PRRC2B: variants seen among roughly 807,000 people sequenced by gnomAD.
The protein encoded by PRRC2B is proline rich coiled-coil 2B, also known as protein PRRC2B.
PRRC2B carries 68 observed loss-of-function variants against 242.3 expected under a neutral mutation model. The observed-to-expected ratio is 0.28, with a 90% CI of 0.23 to 0.34. The LOEUF is 0.34. Among genes scored for constraint, PRRC2B ranks in the 10% least tolerant of loss-of-function variants. The pLI, the probability that PRRC2B is intolerant of heterozygous loss-of-function variation, is 1.00. For missense variants in PRRC2B, 2,835 were observed against 2,954.8 expected, an observed-to-expected ratio of 0.96 and a Z score of 0.94; for synonymous variants, 1,228 against 1,173.6, an observed-to-expected ratio of 1.05 and a Z score of -0.95.
chr9:131,475,311 G>C lies in PRRC2B; in HGVS notation c.3182G>C (p.Arg1061Thr). 6.2e-7 allele frequency: 1 copy of C among 1,604,102 alleles called. No individual in the cohort carries two copies. Among genetic ancestry groups the C allele is most frequent in the Non-Finnish European group, 8.5e-7 (1 of 1,175,996 alleles). Reference sequence around the variant, plus strand: ...GATGAGGAGCAAGCCTTTGGGGTCAGAGGACAGGCCCGGGGCCGGGGCCGT... The same window carrying C: ...GATGAGGAGCAAGCCTTTGGGGTCACAGGACAGGCCCGGGGCCGGGGCCGT... ...FIDEEQAFGV[R>T]GQARGRGRGF... Residue 1061 changes from arginine to threonine, a missense_variant, in exon 16 of 32, where the codon AGA (arginine) becomes ACA (threonine). Coordinates refer to ENST00000683519, the MANE Select transcript of PRRC2B (RefSeq NM_013318.4).
intron 1 of PRRC2B, among the ~76,000 whole-genome samples, chr9:131,410,608 A>C (rs1564276181): frequency 6.6e-6 from 1 of 152,212 alleles, no homozygotes; most frequent in Non-Finnish European, 1.5e-5. Context: ...ACCTTGAACT[A>C]GTTATTTAAC....
chr9:131,490,737 A>G (rs1275572678), intron 28 of PRRC2B: 1 of 382,696 alleles, frequency 2.6e-6, no homozygotes, highest in African/African-American at 2.1e-5. Context: ...AATCCAGCCC[A>G]GTCTTGTTTT....
chr9:131,420,493 C>CTTTCTTTCTTTTT lies in PRRC2B; in HGVS notation c.-51-9598_-51-9597insCTTTCTTTTTTTT. Among the ~76,000 whole-genome samples, 17 of 30,178 alleles carry CTTTCTTTCTTTTT rather than the reference C, an allele frequency of 5.6e-4. 1 individual carries two copies. The highest frequency in any genetic ancestry group is 4.9e-3 in the East Asian group (3 of 610). The allele number at this position is 30,178 out of a possible 152,430, so 19.8% of individuals were successfully genotyped here. ...TCTTTCTTTCTTTCTTTCTTTCTTT[C>CTTTCTTTCTTTTT]TTTTTTTTTTTTTTTTTGAGATGGA... is the stretch of plus-strand genomic sequence containing the variant. On this transcript the variant is annotated intron_variant, in intron 1 of 31. Coordinates refer to ENST00000683519, the MANE Select transcript of PRRC2B (RefSeq NM_013318.4).
chr9:131,487,588 G>A lies in PRRC2B; in HGVS notation c.5985-268G>A, dbSNP rs1180025914. ...TGACTCCCTGTCTCCTCCCCACCGC[G>A]GGCTTCTCCGTCAGTGTGGCTGCCA... On this transcript the variant is annotated intron_variant, in intron 27 of 31. Transcript: ENST00000683519. The surrounding 1 kb of genome is among the most constrained non-coding windows in gnomAD (Gnocchi z 5.3). Among the ~76,000 whole-genome samples the A allele has an allele frequency of 6.6e-6, 1 of 152,104 alleles. No individual in the cohort carries two copies. Among genetic ancestry groups the A allele is most frequent in the African/African-American group, 2.4e-5 (1 of 41,404 alleles).
At chr9:131,409,858 C>T (rs891957935) in intron 1 of PRRC2B, among the ~76,000 whole-genome samples, 3 of 152,176 alleles carry the variant, frequency 2.0e-5, no homozygotes, top group Non-Finnish European at 4.4e-5. Flanking sequence ...ATGCTGTCTC[C>T]GATTTCTCTT....
chr9:131,393,449 T>A (rs1217339748), upstream of PRRC2B, among the ~76,000 whole-genome samples: 1 of 152,188 alleles, frequency 6.6e-6, no homozygotes, highest in Non-Finnish European at 1.5e-5. Flanking sequence ...TGTTTTGCAA[T>A]CACACAAACA....
intron 10 of PRRC2B, among the ~76,000 whole-genome samples, chr9:131,456,459 G>A (rs1418800584): frequency 1.1e-4 from 16 of 151,806 alleles, no homozygotes; most frequent in East Asian, 7.7e-4. Flanking sequence ...GTGAAACCCC[G>A]TCTCTACTAA....
intron 2 of PRRC2B, among the ~76,000 whole-genome samples, chr9:131,430,595 GTATATA>G (rs771525029): frequency 1.4e-5 from 2 of 138,500 alleles, no homozygotes; most frequent in African/African-American, 5.8e-5. Flanking sequence ...GTGTGTGTGT[GTATATA>G]TATGTTTTGG....
intron 1 of PRRC2B, among the ~76,000 whole-genome samples, chr9:131,429,267 G>A (rs573592914): frequency 6.6e-6 from 1 of 151,154 alleles, no homozygotes; most frequent in Admixed American, 6.6e-5. Flanking sequence ...TATTTTGAGT[G>A]AGTGAGTGAG....
chr9:131,477,746 C>A lies in PRRC2B; in HGVS notation c.4409C>A (p.Ser1470Tyr). Residue 1470 changes from serine (S) to tyrosine (Y), a missense_variant and splice_region_variant, in exon 17 of 32, where the codon TCC (serine) becomes TAC (tyrosine). By Grantham distance (144) the Ser-to-Tyr change is moderately radical. This residue lies in a region of PRRC2B where 1,536 missense variants were observed against 1,483.1 expected (regional missense o/e 1.04). Transcript: ENST00000683519. ...QNGTPLKVKR[S>Y]PDEALPGGLS... ...ACAAGATCCTCTTTCCCTTACAGAT[C>A]CCCAGACGAGGCCTTGCCTGGAGGT... 6.3e-7 allele frequency: 1 copy of A among 1,592,228 alleles called. No individual in the cohort carries two copies. The highest frequency in any genetic ancestry group is 1.3e-5 in the African/African-American group (1 of 74,706).
intron 18 of PRRC2B, among the ~76,000 whole-genome samples, 156 bp from the exon 19 acceptor site, chr9:131,479,096 C>T (rs148621167): frequency 0.01 from 1,564 of 152,170 alleles, 11 homozygotes; most frequent in Non-Finnish European, 0.016. Flanking sequence ...TGCTTGGCAT[C>T]GCAGTTCTGC....
Position 131,469,401 on chromosome 9 carries a change from C to G in PRRC2B, c.1912-1387C>G, listed in dbSNP as rs78436151. 9.5e-3 allele frequency among the ~76,000 whole-genome samples: 1,446 copies of G among 152,276 alleles called. 29 individuals are homozygous for G. Among genetic ancestry groups the G allele is most frequent in the African/African-American group, 0.033 (1,370 of 41,560 alleles). ...AAAGCACCAGGGCAGCCTGTCTGGT[C>G]ATATTCCCTGGAGACCTAGGGTGTA... is the stretch of plus-strand genomic sequence containing the variant. On this transcript the variant is annotated intron_variant, in intron 13 of 31. Coordinates refer to ENST00000683519, the MANE Select transcript of PRRC2B (RefSeq NM_013318.4).
At chr9:131,465,736 T>G (rs1210738691) in intron 12 of PRRC2B, among the ~76,000 whole-genome samples, 1 of 152,212 alleles carries the variant, frequency 6.6e-6, no homozygotes, top group Non-Finnish European at 1.5e-5. Flanking sequence ...CACATGGCCC[T>G]ATTTTTTTTT....
intron 1 of PRRC2B, among the ~76,000 whole-genome samples, chr9:131,374,301 ACT>A (rs1281962773): frequency 1.3e-5 from 2 of 151,984 alleles, no homozygotes; most frequent in Non-Finnish European, 2.9e-5. Flanking sequence ...CCCAGCGGAG[ACT>A]CTGTCTCAAA....
intron 3 of PRRC2B, among the ~76,000 whole-genome samples, chr9:131,434,286 T>C (rs1447429723): frequency 6.6e-6 from 1 of 152,218 alleles, no homozygotes; most frequent in Non-Finnish European, 1.5e-5. Context: ...AGGACTGAAA[T>C]CCTCTGCACC....
intron 1 of PRRC2B, among the ~76,000 whole-genome samples, chr9:131,424,795 T>C (rs1837937279): frequency 6.6e-6 from 1 of 152,214 alleles, no homozygotes; most frequent in African/African-American, 2.4e-5. Flanking sequence ...TCACCAAGGC[T>C]CTGTGATTGG....
intron 4 of PRRC2B, among the ~76,000 whole-genome samples, chr9:131,437,606 T>G (rs1255431914): frequency 6.6e-6 from 1 of 152,252 alleles, no homozygotes; most frequent in African/African-American, 2.4e-5. Context: ...ATGGGCAATA[T>G]AAGGTCTCAA....
At chr9:131,467,793 C>T (rs1343926060) in intron 13 of PRRC2B, 40 bp downstream of exon 13, 3 of 1,599,402 alleles carry the variant, frequency 1.9e-6, no homozygotes, top group Admixed American at 3.4e-5. Flanking sequence ...ATAAACAGGC[C>T]TGAGTGCCGA....
rs1838788569 is a variant in PRRC2B at position 131,446,001 on chromosome 9, G to C, written c.614-400G>C. Among the ~76,000 whole-genome samples, 1 of 152,180 alleles carries C rather than the reference G, an allele frequency of 6.6e-6. No homozygotes were observed. The highest frequency in any genetic ancestry group is 1.5e-5 in the Non-Finnish European group (1 of 68,028). On this transcript the variant is annotated intron_variant, in intron 6 of 31. Transcript: ENST00000683519. The surrounding 1 kb of genome is among the most constrained non-coding windows in gnomAD (Gnocchi z 4.1). ...CCTGAAACCACTGTGCCCGGAACTT[G>C]CTCCTGTTTTAATGTGTAGTCCAGT...
Sources: allele counts gnomAD v4.1 joint callset (sites outside exome capture counted in the v4.1 genomes callset), GRCh38; gene constraint gnomAD v4.1.1; regional missense constraint gnomAD v4.1.1; non-coding constraint Gnocchi (gnomAD v3.1); transcripts MANE v1.5; gene names NCBI Gene and HGNC (gene_info 2026-07-23, HGNC 2026-07-21).